The following ENPP3 variants were observed in gnomAD, a reference collection of about 807,000 sequenced individuals.
ENPP3 encodes the protein ectonucleotide pyrophosphatase/phosphodiesterase 3, also known as ectonucleotide pyrophosphatase/phosphodiesterase family member 3.
In ENPP3, 104 loss-of-function variants were observed where a neutral mutation model predicts 117.8. The ratio of observed to expected loss-of-function variants is 0.88; its 90% CI spans 0.75 to 1.04. The LOEUF (loss-of-function observed/expected upper bound fraction) is 1.04. Among genes scored for constraint, ENPP3 ranks in the 50% least tolerant of loss-of-function variants. The probability of loss-of-function intolerance (pLI) is 0.00; values close to 1 mark genes in which losing one functional copy is unlikely to be tolerated. For missense variants in ENPP3, 1,026 were observed against 1,051.9 expected, an observed-to-expected ratio of 0.98 and a Z score of 0.34; for synonymous variants, 380 against 349.9, an observed-to-expected ratio of 1.09 and a Z score of -0.96.
chr6:131,697,869 A>G (rs1008031493), intron 15 of ENPP3, among the ~76,000 whole-genome samples: 1 of 152,138 alleles, frequency 6.6e-6, no homozygotes, highest in African/African-American at 2.4e-5. Flanking sequence ...AGTGTGAAAC[A>G]GGGAAGCCTG....
chr6:131,676,433 A>C (rs1778870045), intron 9 of ENPP3, among the ~76,000 whole-genome samples: 1 of 152,186 alleles, frequency 6.6e-6, no homozygotes, highest in African/African-American at 2.4e-5. Flanking sequence ...CAATATATGC[A>C]TATGCATACA....
intron 11 of ENPP3, among the ~76,000 whole-genome samples, chr6:131,679,504 A>G (rs1271201996): frequency 7.0e-6 from 1 of 142,858 alleles, no homozygotes; most frequent in Non-Finnish European, 1.5e-5. Context: ...ATTAGGTACC[A>G]TGTCCTTTTT....
chr6:131,686,603 T>C (rs1249558110), intron 14 of ENPP3, among the ~76,000 whole-genome samples: 1 of 152,206 alleles, frequency 6.6e-6, no homozygotes, highest in Non-Finnish European at 1.5e-5. Flanking sequence ...GTTTGGAATA[T>C]GGAACCTATC....
chr6:131,742,955 G>T (rs901392773), intron 24 of ENPP3, among the ~76,000 whole-genome samples: 2 of 152,130 alleles, frequency 1.3e-5, no homozygotes, highest in Non-Finnish European at 2.9e-5. Flanking sequence ...TAATAAATTG[G>T]ACATATCCAA....
Position 131,722,390 on chromosome 6 carries a change from C to T in ENPP3, c.1731C>T (p.Cys577=). ...CCACAGAGTCTCTTGACTGTTTCTG[C>T]CCTCACCTACAAAATGTAAGTAACA... ...PLPTESLDCF[C]PHLQNSTQLE... is the part of the protein sequence containing the mutation. Residue 577 remains cysteine (C), a synonymous_variant, in exon 18 of 25, where the codon TGC becomes TGT. Transcript: ENST00000357639. 1 of 1,613,158 alleles carries T rather than the reference C, an allele frequency of 6.2e-7. No individual in the cohort carries two copies. The highest frequency in any genetic ancestry group is 8.5e-7 in the Non-Finnish European group (1 of 1,179,698).
At chr6:131,649,924 C>A in intron 2 of ENPP3, 103 bp from the exon 3 acceptor site, 1 of 1,190,750 alleles carries the variant, frequency 8.4e-7, no homozygotes, top group Non-Finnish European at 1.2e-6. Flanking sequence ...ATCTAGTTGT[C>A]TGTCATAGTC....
intron 21 of ENPP3, among the ~76,000 whole-genome samples, chr6:131,735,596 ATT>A (rs1187091864): frequency 6.6e-6 from 1 of 152,170 alleles, no homozygotes; most frequent in Non-Finnish European, 1.5e-5. Context: ...CTTAATAGTA[ATT>A]AAAAAAAATA....
At chr6:131,649,987 A>G in intron 2 of ENPP3, 40 bp from the exon 3 acceptor site, 1 of 1,612,496 alleles carries the variant, frequency 6.2e-7, no homozygotes, top group Non-Finnish European at 8.5e-7. Flanking sequence ...GATATTGAAT[A>G]GCTCCTAAAT....
At chr6:131,723,827 T>TCACACACACA (rs1554268188) in intron 18 of ENPP3, among the ~76,000 whole-genome samples, 92 of 145,946 alleles carry the variant, frequency 6.3e-4, no homozygotes, top group African/African-American at 2.2e-3. Context: ...TCTCTCTCTC[T>TCACACACACA]CACACACACA....
intron 10 of ENPP3, 62 bp downstream of exon 10, chr6:131,676,863 T>G (rs922540721): frequency 1.0e-5 from 10 of 998,450 alleles, no homozygotes; most frequent in East Asian, 5.1e-5. Flanking sequence ...AAAATGAAGT[T>G]TTTTTTTTTT....
At chr6:131,650,250 C>G in intron 3 of ENPP3, 101 bp downstream of exon 3, 1 of 1,290,946 alleles carries the variant, frequency 7.7e-7, no homozygotes, top group Non-Finnish European at 1.1e-6. Context: ...GACAGAGTGT[C>G]ACTCTGTTGC....
At chr6:131,730,420 A>C (rs566459593) in intron 20 of ENPP3, among the ~76,000 whole-genome samples, 1 of 152,354 alleles carries the variant, frequency 6.6e-6, no homozygotes, top group East Asian at 1.9e-4. Flanking sequence ...GAACTCATCC[A>C]ACACATTTAG....
intron 18 of ENPP3, among the ~76,000 whole-genome samples, chr6:131,723,827 TCACACACA>T (rs1554268188): frequency 1.4e-5 from 2 of 145,848 alleles, no homozygotes; most frequent in African/African-American, 5.2e-5. Flanking sequence ...TCTCTCTCTC[TCACACACA>T]CACACACACA....
chr6:131,737,429 A>G lies in ENPP3; in HGVS notation c.2164A>G (p.Arg722Gly). ...TTTGGTACCTATGTATGAAGAATTC[A>G]GAAGTAAGTATGAATTTAGAGTATT... The part of the protein sequence containing the change: ...SNLVPMYEEF[R>G]KMWDYFHSVL... The change falls in exon 22 of 25, where the codon AGA (arginine) becomes GGA (glycine). Residue 722 changes from arginine to glycine, a missense_variant. Arg to Gly is a moderately radical substitution (Grantham distance 125). Coordinates refer to ENST00000357639, the MANE Select transcript of ENPP3 (RefSeq NM_005021.5). 1.3e-6 allele frequency: 2 copies of G among 1,524,346 alleles called. No homozygotes were observed. The highest frequency in any genetic ancestry group is 2.3e-5 in the East Asian group (1 of 44,310). The allele number at this position is 1,524,346 out of a possible 1,614,324, so 94.4% of individuals were successfully genotyped here. A position where few individuals can be genotyped will look rare whatever the true frequency, so the allele number is the denominator to read the frequency against.
chr6:131,734,635 G>A (rs1225501929), intron 21 of ENPP3, among the ~76,000 whole-genome samples: 3 of 152,062 alleles, frequency 2.0e-5, no homozygotes, highest in East Asian at 1.9e-4. Flanking sequence ...GGTGGCTCAC[G>A]TCTGTAATCC....
intron 22 of ENPP3, 135 bp downstream of exon 22, chr6:131,737,567 G>T: frequency 1.8e-6 from 1 of 557,772 alleles, no homozygotes; most frequent in Admixed American, 3.4e-5. Context: ...TTAAATATAG[G>T]TATAGGAAGG....
intron 2 of ENPP3, among the ~76,000 whole-genome samples, chr6:131,649,203 G>A (rs55725920): frequency 0.036 from 5,419 of 152,104 alleles, 321 homozygotes; most frequent in African/African-American, 0.12. Context: ...GCTTAGTTCA[G>A]GAGTTTCCAT....
At chr6:131,657,999 C>T (rs1299847537) in intron 5 of ENPP3, among the ~76,000 whole-genome samples, 6 of 151,828 alleles carry the variant, frequency 4.0e-5, no homozygotes, top group East Asian at 1.9e-4. Context: ...CCTGTCTCTA[C>T]TAAAATTTAT....
At chr6:131,646,475 A>G (rs1778155341) in intron 2 of ENPP3, among the ~76,000 whole-genome samples, 1 of 151,772 alleles carries the variant, frequency 6.6e-6, no homozygotes, top group African/African-American at 2.4e-5. Flanking sequence ...TTTTCTTATC[A>G]TAGTTACCCT....
Sources: allele counts gnomAD v4.1 joint callset (sites outside exome capture counted in the v4.1 genomes callset), GRCh38; gene constraint gnomAD v4.1.1; transcripts MANE v1.5; gene names NCBI Gene and HGNC (gene_info 2026-07-23, HGNC 2026-07-21).